PSD3: variants seen among roughly 807,000 people sequenced by gnomAD.
The protein encoded by PSD3 is pleckstrin and Sec7 domain containing 3.
Under a neutral mutation model 105.5 loss-of-function variants are expected in PSD3, and 49 were observed. The observed-to-expected ratio is 0.46, with a 90% CI of 0.37 to 0.59. The LOEUF is 0.59. Ranked by LOEUF, PSD3 falls within the 20% of genes least tolerant of loss-of-function variation. The pLI is 0.00. For synonymous variants in PSD3, 557 were observed against 457.8 expected (o/e 1.22, Z -2.77); for missense variants, 1,561 against 1,263.8 (o/e 1.24, Z -3.57).
intron 4 of PSD3, among the ~76,000 whole-genome samples, chr8:18,845,740 C>G (rs1815036145): frequency 6.6e-6 from 1 of 152,116 alleles, no homozygotes; most frequent in Non-Finnish European, 1.5e-5. Flanking sequence ...CGTTGGAGAC[C>G]AGCCAGAACA....
chr8:18,978,595 CACAGTAACCTCA>C (rs1347633506), intron 1 of PSD3, among the ~76,000 whole-genome samples: 1 of 152,154 alleles, frequency 6.6e-6, no homozygotes, highest in Non-Finnish European at 1.5e-5. Context: ...TAAACACAGA[CACAGTAACCTCA>C]ACATGGGGTT....
intron 8 of PSD3, among the ~76,000 whole-genome samples, chr8:18,781,418 A>C (rs1439639918): frequency 6.6e-6 from 1 of 152,160 alleles, no homozygotes; most frequent in Non-Finnish European, 1.5e-5. Flanking sequence ...CACAATCCCT[A>C]TTAAATGTTC....
chr8:19,040,142 C>G (rs1828072437), intron 1 of PSD3, among the ~76,000 whole-genome samples: 1 of 152,208 alleles, frequency 6.6e-6, no homozygotes, highest in South Asian at 2.1e-4. Context: ...CAAGATTCCT[C>G]TCAAGAGCCA....
chr8:18,587,422 AT>A (rs34139737), intron 12 of PSD3, among the ~76,000 whole-genome samples: 59,995 of 151,878 alleles, frequency 0.4, 12,172 homozygotes, highest in East Asian at 0.47. Flanking sequence ...TTGAAACATA[AT>A]TTTTTTCATC....
chr8:18,918,824 G>A lies in PSD3; in HGVS notation c.130+17210C>T, dbSNP rs146755101. On this transcript the variant is annotated intron_variant, in intron 2 of 15. Coordinates refer to ENST00000327040, the MANE Select transcript of PSD3 (RefSeq NM_015310.4). ...TTTTGGTCTTCTACGTGGAGGGAGG[G>A]CACTGTACCTGTACCGTGCCCCTTT... Among the ~76,000 whole-genome samples the A allele has an allele frequency of 2.1e-3, 320 of 152,104 alleles. 1 individual carries two copies. Among genetic ancestry groups the A allele is most frequent in the African/African-American group, 7.5e-3 (310 of 41,474 alleles).
chr8:18,702,593 T>C (rs991760293), intron 9 of PSD3, among the ~76,000 whole-genome samples: 2 of 152,088 alleles, frequency 1.3e-5, no homozygotes, highest in African/African-American at 4.8e-5. Context: ...TTTTCTCTTC[T>C]AGCTATAGGT....
chr8:18,986,545 T>G (rs993562424), intron 1 of PSD3, among the ~76,000 whole-genome samples: 3 of 110,600 alleles, frequency 2.7e-5, no homozygotes. Flanking sequence ...TTTCTTGAGA[T>G]AAAATGGTCT....
At chr8:19,031,045 C>T (rs368099708) in intron 1 of PSD3, among the ~76,000 whole-genome samples, 1 of 152,172 alleles carries the variant, frequency 6.6e-6, no homozygotes, top group African/African-American at 2.4e-5. Context: ...TGGGGCTATG[C>T]TACCAGTTCT....
chr8:18,933,092 C>T (rs757357230), intron 2 of PSD3, among the ~76,000 whole-genome samples: 8 of 152,216 alleles, frequency 5.3e-5, no homozygotes, highest in Non-Finnish European at 8.8e-5. Context: ...CACAAAGGTG[C>T]TCATTAAATG....
At chr8:18,910,647 A>G (rs1820156059) in intron 2 of PSD3, among the ~76,000 whole-genome samples, 2 of 149,376 alleles carry the variant, frequency 1.3e-5, no homozygotes, top group Non-Finnish European at 3.0e-5. Context: ...TAAAAAAAAA[A>G]AAAAAAAAAA....
chr8:18,854,788 G>A (rs1399122201), intron 4 of PSD3, among the ~76,000 whole-genome samples: 3 of 152,094 alleles, frequency 2.0e-5, no homozygotes, highest in African/African-American at 7.2e-5. Context: ...ACACAATTTA[G>A]CTCTATTAAA....
intron 12 of PSD3, among the ~76,000 whole-genome samples, chr8:18,587,455 C>G (rs1803280060): frequency 6.6e-6 from 1 of 152,116 alleles, no homozygotes; most frequent in African/African-American, 2.4e-5. Flanking sequence ...GCTTGCTACT[C>G]CCCCTCCAGC....
chr8:18,936,809 A>G (rs907395166), intron 1 of PSD3, among the ~76,000 whole-genome samples: 11 of 152,176 alleles, frequency 7.2e-5, no homozygotes, highest in Non-Finnish European at 1.2e-4. Flanking sequence ...TCATTTTCCA[A>G]CTGATTATCA....
chr8:18,871,576 TATG>T, intron 3 of PSD3, 47 bp downstream of exon 3: 1 of 1,528,070 alleles, frequency 6.5e-7, no homozygotes, highest in Non-Finnish European at 8.8e-7. Context: ...AACAGTTTTC[TATG>T]ATATGTACCA....
chr8:18,991,494 T>C (rs1825804894), intron 1 of PSD3, among the ~76,000 whole-genome samples: 1 of 152,118 alleles, frequency 6.6e-6, no homozygotes, highest in Non-Finnish European at 1.5e-5. Flanking sequence ...GGGCCTTCTC[T>C]GACTGCTTTT....
chr8:18,575,398 A>C (rs537813811), intron 12 of PSD3, 113 bp from the exon 13 acceptor site: 569 of 998,384 alleles, frequency 5.7e-4, no homozygotes, highest in Non-Finnish European at 7.3e-4. Context: ...TAAGTGAATG[A>C]AAAAAATGAA....
intron 4 of PSD3, among the ~76,000 whole-genome samples, chr8:18,811,492 A>C (rs1238647095): frequency 7.9e-5 from 12 of 152,328 alleles, no homozygotes; most frequent in Admixed American, 3.9e-4. Context: ...TAAATAAGTA[A>C]ATTCTACATA....
In PSD3 at chr8:18,633,786, A is replaced by G. The variant is rs73585857; in HGVS notation, c.2217-980T>C. 3.0e-3 allele frequency among the ~76,000 whole-genome samples: 464 copies of G among 152,196 alleles called. 5 individuals carry two copies. The highest frequency in any genetic ancestry group is 0.011 in the African/African-American group (450 of 41,530). On this transcript the variant is annotated intron_variant, in intron 10 of 15. Coordinates refer to ENST00000327040, the MANE Select transcript of PSD3 (RefSeq NM_015310.4). ...CTTTAGGTATATAACCAGTAACAGG[A>G]TTGCTGATTTGAATGGTAGTTCTTT...
intron 15 of PSD3, among the ~76,000 whole-genome samples, chr8:18,545,158 T>G (rs1800383021): frequency 6.6e-6 from 1 of 152,248 alleles, no homozygotes; most frequent in Admixed American, 6.5e-5. Context: ...AAACTCAGTC[T>G]GTATAAGTAT....
Sources: allele counts gnomAD v4.1 joint callset (sites outside exome capture counted in the v4.1 genomes callset), GRCh38; gene constraint gnomAD v4.1.1; transcripts MANE v1.5; gene names NCBI Gene and HGNC (gene_info 2026-07-23, HGNC 2026-07-21).